The following CDKAL1 variants were observed in gnomAD, a reference collection of about 807,000 sequenced individuals.
CDKAL1 encodes threonylcarbamoyladenosine tRNA methylthiotransferase.
In CDKAL1, 32 loss-of-function variants were observed where a neutral mutation model predicts 68.2. The ratio of observed to expected loss-of-function variants is 0.47; its 90% confidence interval spans 0.35 to 0.63. CDKAL1 has a LOEUF of 0.63. Ranked by LOEUF, CDKAL1 falls within the 30% of genes least tolerant of loss-of-function variation. CDKAL1 has a pLI of 0.00. For missense variants in CDKAL1, 606 were observed against 696.7 expected (o/e 0.87, Z 1.47); for synonymous variants, 234 against 244.3 (o/e 0.96, Z 0.39).
intron 13 of CDKAL1, among the ~76,000 whole-genome samples, chr6:21,186,263 G>T (rs1193077304): frequency 6.6e-6 from 1 of 152,092 alleles, no homozygotes; most frequent in Non-Finnish European, 1.5e-5. Context: ...GCAAATGGTT[G>T]AAAGATGGTG....
At chr6:20,972,518 CAGAA>C (rs1765646156) in intron 10 of CDKAL1, among the ~76,000 whole-genome samples, 2 of 152,204 alleles carry the variant, frequency 1.3e-5, no homozygotes, top group African/African-American at 2.4e-5. Flanking sequence ...AAGTTTGAAA[CAGAA>C]AGCAGGATAA....
chr6:20,671,076 C>T (rs540663713), intron 5 of CDKAL1, among the ~76,000 whole-genome samples: 303 of 152,196 alleles, frequency 2.0e-3, no homozygotes, highest in Non-Finnish European at 3.2e-3. Flanking sequence ...AAGGTAGGTA[C>T]GATTATAGAT....
At chr6:20,745,830 G>A (rs867390225) in intron 6 of CDKAL1, among the ~76,000 whole-genome samples, 5 of 152,196 alleles carry the variant, frequency 3.3e-5, no homozygotes, top group African/African-American at 9.7e-5. Context: ...AGAGGCCATG[G>A]GTTGGACAAG....
At chr6:21,081,855 G>A (rs1010289098) in intron 12 of CDKAL1, among the ~76,000 whole-genome samples, 1 of 152,060 alleles carries the variant, frequency 6.6e-6, no homozygotes, top group African/African-American at 2.4e-5. Context: ...TAGGATTACA[G>A]GCATGAGCCA....
rs112792990 is a variant in CDKAL1 at position 20,778,698 on chromosome 6, G to A, written c.518-2447G>A. 4.3e-3 allele frequency among the ~76,000 whole-genome samples: 654 copies of A among 152,280 alleles called. 3 individuals carry two copies. The highest frequency in any genetic ancestry group is 0.015 in the African/African-American group (627 of 41,560). ...TTACAGTCCACAGGCTGGCACACTTGAGACCCAAGAAGAGCCAATATTTCA... is the reference window on the plus strand; with the variant it reads ...TTACAGTCCACAGGCTGGCACACTTAAGACCCAAGAAGAGCCAATATTTCA... On this transcript the variant is annotated intron_variant, in intron 7 of 15. Coordinates refer to ENST00000274695, the MANE Select transcript of CDKAL1 (RefSeq NM_017774.3).
chr6:21,029,436 G>C (rs1769141735), intron 11 of CDKAL1, among the ~76,000 whole-genome samples: 1 of 152,122 alleles, frequency 6.6e-6, no homozygotes, highest in Non-Finnish European at 1.5e-5. Flanking sequence ...TAAAAGTAGA[G>C]AGAGAGACTT....
chr6:20,959,593 C>T (rs1407518441), intron 10 of CDKAL1, among the ~76,000 whole-genome samples: 1 of 151,282 alleles, frequency 6.6e-6, no homozygotes, highest in Non-Finnish European at 1.5e-5. Context: ...GTTTACATTA[C>T]CTTTTTCTCA....
chr6:20,755,658 A>G (rs1385925132), intron 6 of CDKAL1, among the ~76,000 whole-genome samples: 1 of 152,182 alleles, frequency 6.6e-6, no homozygotes, highest in African/African-American at 2.4e-5. Flanking sequence ...ATGCTCAATA[A>G]TTGATGAGTG....
intron 15 of CDKAL1, among the ~76,000 whole-genome samples, chr6:21,206,469 C>T (rs1778942148): frequency 6.6e-6 from 1 of 152,108 alleles, no homozygotes; most frequent in African/African-American, 2.4e-5. Context: ...TATAACACAT[C>T]GCTTGAATCT....
intron 4 of CDKAL1, among the ~76,000 whole-genome samples, chr6:20,601,301 G>T (rs575695677): frequency 1.8e-4 from 28 of 151,992 alleles, no homozygotes; most frequent in Admixed American, 1.6e-3. Context: ...AGCACAACTT[G>T]GTGTCCATCT....
intron 9 of CDKAL1, among the ~76,000 whole-genome samples, chr6:20,901,540 G>A (rs1761968728): frequency 6.6e-6 from 1 of 151,288 alleles, no homozygotes; most frequent in African/African-American, 2.4e-5. Flanking sequence ...AATTAGCCGG[G>A]CATGGTGGCG....
intron 6 of CDKAL1, among the ~76,000 whole-genome samples, chr6:20,740,784 G>A (rs192266740): frequency 6.6e-6 from 1 of 152,234 alleles, no homozygotes; most frequent in Non-Finnish European, 1.5e-5. Context: ...AACAGAACCT[G>A]AATGTTTGGT....
chr6:21,152,795 A>T (rs923221837), intron 13 of CDKAL1, among the ~76,000 whole-genome samples: 2 of 152,234 alleles, frequency 1.3e-5, no homozygotes, highest in African/African-American at 4.8e-5. Context: ...TGTTTAACAG[A>T]TTACCTAAAC....
intron 8 of CDKAL1, among the ~76,000 whole-genome samples, chr6:20,796,533 A>G (rs188092189): frequency 5.8e-4 from 88 of 152,336 alleles, no homozygotes; most frequent in Admixed American, 1.8e-3. Context: ...TATCTAAAAC[A>G]GTTTTGAATA....
At chr6:21,094,484 A>T (rs1773220344) in intron 12 of CDKAL1, among the ~76,000 whole-genome samples, 1 of 152,220 alleles carries the variant, frequency 6.6e-6, no homozygotes, top group South Asian at 2.1e-4. Context: ...TGCTAAAAAC[A>T]AACAACATAC....
chr6:20,845,650 AAAT>A (rs1490859199), intron 8 of CDKAL1, among the ~76,000 whole-genome samples: 1 of 152,188 alleles, frequency 6.6e-6, no homozygotes, highest in East Asian at 1.9e-4. Flanking sequence ...GTTAAAAGTT[AAAT>A]GAGTATGTGT....
chr6:20,639,388 T>C (rs946681382), intron 4 of CDKAL1, among the ~76,000 whole-genome samples: 1 of 152,162 alleles, frequency 6.6e-6, no homozygotes, highest in Admixed American at 6.5e-5. Flanking sequence ...TTCATACTCT[T>C]GAGAGTTTCA....
rs549529684 is a variant in CDKAL1, at chr6:20,928,339, T to A, written c.743-27080T>A. 3.9e-3 allele frequency among the ~76,000 whole-genome samples: 597 copies of A among 152,372 alleles called. 4 individuals carry two copies. Among genetic ancestry groups the A allele is most frequent in the African/African-American group, 0.014 (574 of 41,592 alleles). On this transcript the variant is annotated intron_variant, in intron 9 of 15. Coordinates refer to ENST00000274695, the MANE Select transcript of CDKAL1 (RefSeq NM_017774.3). The stretch of plus-strand genomic sequence containing the variant: ...TCTAGTGGTAAAAATTGTATACCTT[T>A]GTTTTTAAAAATGTTTTATTATGTG...
At chr6:20,562,860 C>T (rs2127670441) in intron 4 of CDKAL1, among the ~76,000 whole-genome samples, 1 of 152,208 alleles carries the variant, frequency 6.6e-6, no homozygotes, top group East Asian at 1.9e-4. Context: ...CTTGAATATA[C>T]GGTAGACAAG....
Sources: gnomAD v4.1 joint callset for allele counts (sites outside exome capture counted in the v4.1 genomes callset) on GRCh38, gnomAD v4.1.1 for gene constraint, MANE v1.5 for transcripts, NCBI Gene and HGNC (gene_info 2026-07-23, HGNC 2026-07-21) for gene names.